Variants in DNAH14 observed in about 807,000 individuals in gnomAD.
The protein encoded by DNAH14 is dynein axonemal heavy chain 14.
Under a neutral mutation model 520.9 loss-of-function variants are expected in DNAH14, and 478 were observed. The ratio of observed to expected loss-of-function variants is 0.92; its 90% CI spans 0.85 to 0.99. DNAH14 has a LOEUF of 0.99. Among genes scored for constraint, DNAH14 ranks in the 50% least tolerant of loss-of-function variants. The pLI, the probability that DNAH14 is intolerant of heterozygous loss-of-function variation, is 0.00. For synonymous variants in DNAH14, 1,581 were observed against 1,757.2 expected, an observed-to-expected ratio of 0.90 and a Z score of 2.51; for missense variants, 4,831 against 5,234.5, an observed-to-expected ratio of 0.92 and a Z score of 2.38.
chr1:225,374,560 C>A, intron 77 of DNAH14, 128 bp from the exon 78 acceptor site: 1 of 894,872 alleles, frequency 1.1e-6, no homozygotes, highest in Non-Finnish European at 1.6e-6. Flanking sequence ...TGCACCTGGC[C>A]TATTTCTATA....
chr1:225,300,628 T>G (rs1379775485), intron 55 of DNAH14, among the ~76,000 whole-genome samples: 1 of 151,670 alleles, frequency 6.6e-6, no homozygotes, highest in Non-Finnish European at 1.5e-5. Context: ...TTAAGCCCAG[T>G]AGTTCAAGGC....
At chr1:225,220,726 C>G (rs1309459789) in intron 41 of DNAH14, among the ~76,000 whole-genome samples, 14 of 152,194 alleles carry the variant, frequency 9.2e-5, no homozygotes, top group African/African-American at 3.4e-4. Flanking sequence ...GGCCATACTG[C>G]CCAAAATAAT....
chr1:224,945,545 C>G (rs1302465769), intron 1 of DNAH14, among the ~76,000 whole-genome samples: 1 of 152,190 alleles, frequency 6.6e-6, no homozygotes, highest in Non-Finnish European at 1.5e-5. Flanking sequence ...AGCTGTGTTC[C>G]TCTGGAGGAG....
chr1:225,025,295 C>T (rs1017381653), intron 11 of DNAH14, among the ~76,000 whole-genome samples: 2 of 150,408 alleles, frequency 1.3e-5, no homozygotes, highest in Admixed American at 6.6e-5. Flanking sequence ...TCATGCCACT[C>T]CACTCCAGCC....
At chr1:225,290,482 A>G (rs2093842655) in intron 55 of DNAH14, among the ~76,000 whole-genome samples, 1 of 151,276 alleles carries the variant, frequency 6.6e-6, no homozygotes, top group African/African-American at 2.4e-5. Flanking sequence ...TGTAATCTAC[A>G]ATCTGCTCTT....
At chr1:224,946,950 C>G (rs2125451995) in intron 1 of DNAH14, among the ~76,000 whole-genome samples, 1 of 130,148 alleles carries the variant, frequency 7.7e-6, no homozygotes, top group African/African-American at 2.9e-5. Context: ...CAGAGTCTTG[C>G]TCTGTTGCCC....
At chr1:225,391,791 C>T (rs1447049197) in intron 83 of DNAH14, among the ~76,000 whole-genome samples, 1 of 152,092 alleles carries the variant, frequency 6.6e-6, no homozygotes, top group Non-Finnish European at 1.5e-5. Flanking sequence ...TCCTACTGCA[C>T]ATAGCCTTTC....
chr1:225,162,863 G>A (rs563757283), intron 35 of DNAH14, among the ~76,000 whole-genome samples: 20 of 152,102 alleles, frequency 1.3e-4, no homozygotes, highest in East Asian at 3.9e-4. Flanking sequence ...TTGGCCAGGC[G>A]TGGTGGCTCA....
At chr1:225,243,765 T>C (rs956821250) in intron 43 of DNAH14, among the ~76,000 whole-genome samples, 3 of 152,122 alleles carry the variant, frequency 2.0e-5, no homozygotes, top group African/African-American at 7.2e-5. Flanking sequence ...GATGGGGTTT[T>C]CTAAATATAC....
chr1:225,383,893 C>G (rs2095807754), intron 81 of DNAH14, among the ~76,000 whole-genome samples: 1 of 152,142 alleles, frequency 6.6e-6, no homozygotes, highest in African/African-American at 2.4e-5. Flanking sequence ...TAAATTTCCC[C>G]TACACATTGC....
At chr1:225,375,664 T>A (rs372216418) in intron 78 of DNAH14, among the ~76,000 whole-genome samples, 1 of 152,116 alleles carries the variant, frequency 6.6e-6, no homozygotes, top group Non-Finnish European at 1.5e-5. Context: ...ATAGCAATGG[T>A]CTATGTTGAT....
At chr1:225,337,680 T>C (rs1472127432) in intron 67 of DNAH14, among the ~76,000 whole-genome samples, 184 bp downstream of exon 67, 2 of 152,160 alleles carry the variant, frequency 1.3e-5, no homozygotes, top group African/African-American at 4.8e-5. Context: ...ACAGCTGTCT[T>C]TCACTGGAGT....
intron 54 of DNAH14, among the ~76,000 whole-genome samples, chr1:225,289,276 G>A (rs1356669893): frequency 6.6e-6 from 1 of 152,100 alleles, no homozygotes. Flanking sequence ...ATTAGTGATT[G>A]GGCCTGAGAG....
intron 8 of DNAH14, among the ~76,000 whole-genome samples, chr1:224,986,361 TA>T (rs532400909): frequency 1.9e-4 from 25 of 129,580 alleles, no homozygotes; most frequent in Admixed American, 8.2e-4. Flanking sequence ...CCAATATCCC[TA>T]AAAAAAAATG....
At chr1:225,100,508 T>C (rs3128665) in intron 22 of DNAH14, among the ~76,000 whole-genome samples, 10,508 of 152,252 alleles carry the variant, frequency 0.069, 576 homozygotes, top group East Asian at 0.24. Context: ...AAATGATGGT[T>C]GTTGTGTCTA....
intron 77 of DNAH14, among the ~76,000 whole-genome samples, chr1:225,370,019 G>A (rs972519141): frequency 2.0e-5 from 3 of 152,098 alleles, no homozygotes; most frequent in Admixed American, 2.0e-4. Flanking sequence ...AACCTGCACG[G>A]TGGCTCACGC....
At chr1:225,056,423 G>T (rs1336483914) in intron 17 of DNAH14, among the ~76,000 whole-genome samples, 1 of 152,128 alleles carries the variant, frequency 6.6e-6, no homozygotes, top group Admixed American at 6.6e-5. Context: ...GTAGATTCTT[G>T]ATATTAGCCC....
At chr1:225,335,954 T>TAC (rs1202678599) in intron 66 of DNAH14, among the ~76,000 whole-genome samples, 2 of 144,252 alleles carry the variant, frequency 1.4e-5, no homozygotes, top group Non-Finnish European at 3.0e-5. Flanking sequence ...TATGTATATA[T>TAC]ACACATATAC....
chr1:225,198,876 C>G (rs547900798), intron 38 of DNAH14, among the ~76,000 whole-genome samples: 1 of 152,228 alleles, frequency 6.6e-6, no homozygotes, highest in East Asian at 1.9e-4. Context: ...GGAGGATTCT[C>G]TCTTTCTCTA....
Sources: gnomAD v4.1 joint callset for allele counts (sites outside exome capture counted in the v4.1 genomes callset) on GRCh38, gnomAD v4.1.1 for gene constraint, MANE v1.5 for transcripts, NCBI Gene and HGNC (gene_info 2026-07-23, HGNC 2026-07-21) for gene names.